DAB1: variants seen among roughly 807,000 people sequenced by gnomAD.
The protein encoded by DAB1 is DAB adaptor protein 1.
Under a neutral mutation model 64.6 loss-of-function variants are expected in DAB1, and 15 were observed. That is an observed-to-expected ratio of 0.23 (90% confidence interval 0.16 to 0.36). The LOEUF is 0.36. DAB1 is among the 10% of genes least tolerant of loss of function. DAB1 has a pLI of 1.00. For missense variants in DAB1, 596 were observed against 706.7 expected, an observed-to-expected ratio of 0.84 and a Z score of 1.78; for synonymous variants, 235 against 251.9, an observed-to-expected ratio of 0.93 and a Z score of 0.64.
At chr1:57,828,323 A>G (rs1425865260) in intron 1 of DAB1, among the ~76,000 whole-genome samples, 2 of 152,246 alleles carry the variant, frequency 1.3e-5, no homozygotes, top group Non-Finnish European at 2.9e-5. Context: ...CTGCTTATAA[A>G]TGGTAAATCT....
At chr1:57,293,700 CAG>C (rs933002504) in intron 1 of DAB1, among the ~76,000 whole-genome samples, 1 of 152,154 alleles carries the variant, frequency 6.6e-6, no homozygotes, top group African/African-American at 2.4e-5. Context: ...GTCTTGGACA[CAG>C]TAGGTACCTA....
chr1:57,578,130 C>T (rs1363501506), intron 7 of DAB1, among the ~76,000 whole-genome samples: 1 of 152,222 alleles, frequency 6.6e-6, no homozygotes, highest in Non-Finnish European at 1.5e-5. Context: ...TAAATTAGGT[C>T]ATGCCAGGGA....
intron 5 of DAB1, among the ~76,000 whole-genome samples, chr1:57,900,085 T>C (rs934511452): frequency 6.6e-6 from 1 of 152,100 alleles, no homozygotes; most frequent in Non-Finnish European, 1.5e-5. Flanking sequence ...ATTCCAGGTA[T>C]GAGCCAGGGT....
At chr1:57,594,838 G>A (rs1469658724) in intron 7 of DAB1, among the ~76,000 whole-genome samples, 1 of 152,080 alleles carries the variant, frequency 6.6e-6, no homozygotes, top group Admixed American at 6.5e-5. Context: ...AGCCTCCCGA[G>A]TAGCTGGGAC....
chr1:57,092,653 A>C (rs1345580672), intron 4 of DAB1, among the ~76,000 whole-genome samples: 3 of 125,234 alleles, frequency 2.4e-5, no homozygotes, highest in Non-Finnish European at 4.8e-5. Flanking sequence ...GAGAACGAAC[A>C]AACAGTGGTC....
At chr1:58,065,872 C>T (rs1454408684) in intron 5 of DAB1, among the ~76,000 whole-genome samples, 1 of 152,206 alleles carries the variant, frequency 6.6e-6, no homozygotes, top group Non-Finnish European at 1.5e-5. Context: ...ATAACCTCCA[C>T]ATCAACAAGT....
At chr1:57,083,152 C>A (rs986681014) in intron 4 of DAB1, among the ~76,000 whole-genome samples, 4 of 152,180 alleles carry the variant, frequency 2.6e-5, no homozygotes, top group African/African-American at 9.7e-5. Context: ...CACCCATCAA[C>A]CTTGCCTATT....
At chr1:58,426,663 T>C (rs1644824206) in intron 3 of DAB1, among the ~76,000 whole-genome samples, 2 of 152,200 alleles carry the variant, frequency 1.3e-5, no homozygotes, top group Admixed American at 1.3e-4. Context: ...GGAGATTACA[T>C]TCTACCAGAG....
At chr1:57,524,898 A>T (rs893949197) in intron 7 of DAB1, among the ~76,000 whole-genome samples, 2 of 152,216 alleles carry the variant, frequency 1.3e-5, no homozygotes, top group African/African-American at 4.8e-5. Context: ...AAAATGAACC[A>T]ACCAACCAGA....
At chr1:58,197,500 T>C (rs186828966) in intron 4 of DAB1, among the ~76,000 whole-genome samples, 60 of 151,910 alleles carry the variant, frequency 3.9e-4, no homozygotes, top group Non-Finnish European at 7.4e-4. Context: ...CAAGCGGTTC[T>C]CCTGCCTCAG....
intron 7 of DAB1, among the ~76,000 whole-genome samples, chr1:57,468,199 G>T (rs1459278715): frequency 6.6e-6 from 1 of 152,172 alleles, no homozygotes; most frequent in Non-Finnish European, 1.5e-5. Flanking sequence ...GAAGAGCTCA[G>T]TGAGTGAGTC....
At chr1:58,414,381 C>T (rs536759614) in intron 3 of DAB1, among the ~76,000 whole-genome samples, 2 of 152,326 alleles carry the variant, frequency 1.3e-5, no homozygotes, top group African/African-American at 4.8e-5. Flanking sequence ...CTTTCAGCAT[C>T]TTCCAGCATA....
intron 7 of DAB1, among the ~76,000 whole-genome samples, chr1:57,634,364 A>G (rs990271679): frequency 6.6e-6 from 1 of 152,368 alleles, no homozygotes; most frequent in East Asian, 1.9e-4. Flanking sequence ...TGGGCAAGTT[A>G]TTGAACCTTT....
intron 4 of DAB1, among the ~76,000 whole-genome samples, chr1:57,122,185 A>C (rs1271930980): frequency 2.0e-5 from 3 of 152,174 alleles, no homozygotes; most frequent in Non-Finnish European, 4.4e-5. Context: ...GTTGCTTATC[A>C]CACTGTTGTG....
chr1:58,128,976 T>C (rs1653330445), intron 5 of DAB1, among the ~76,000 whole-genome samples: 1 of 139,688 alleles, frequency 7.2e-6, no homozygotes. Context: ...CCTCATAAAA[T>C]GAGTTAGGGA....
In DAB1 at chr1:57,117,463, G is replaced by A. The variant is rs572794889; in HGVS notation, c.306+19080C>T. ...ATTAAGTCCCCAAGATCACAGAACTGGTGAGCTATGGAGCCCTCCTATGAA... is the reference window on the plus strand; with the variant it reads ...ATTAAGTCCCCAAGATCACAGAACTAGTGAGCTATGGAGCCCTCCTATGAA... On this transcript the variant is annotated intron_variant, in intron 4 of 14. Transcript: ENST00000371236. Among the ~76,000 whole-genome samples, 87 of 152,302 alleles carry A rather than the reference G, an allele frequency of 5.7e-4. 1 individual carries two copies. In the South Asian group the frequency reaches 0.017, roughly 30 times the overall value.
chr1:57,865,673 C>T (rs79482908), intron 1 of DAB1, among the ~76,000 whole-genome samples: 58 of 152,264 alleles, frequency 3.8e-4, no homozygotes, highest in Middle Eastern at 6.8e-3. Context: ...CATCTGCTCG[C>T]GGCCGTGCTC....
At chr1:57,955,412 G>A (rs1645368924) in intron 5 of DAB1, among the ~76,000 whole-genome samples, 1 of 152,130 alleles carries the variant, frequency 6.6e-6, no homozygotes, top group South Asian at 2.1e-4. Context: ...CCTTTCTACT[G>A]TCAGTCAAGC....
At chr1:57,743,475 T>A (rs1648100681) in intron 6 of DAB1, among the ~76,000 whole-genome samples, 1 of 152,236 alleles carries the variant, frequency 6.6e-6, no homozygotes, top group African/African-American at 2.4e-5. Flanking sequence ...CTTTTCGGAC[T>A]CAGCTCGCCT....
Sources: allele counts gnomAD v4.1 joint callset (sites outside exome capture counted in the v4.1 genomes callset), GRCh38; gene constraint gnomAD v4.1.1; transcripts MANE v1.5; gene names NCBI Gene and HGNC (gene_info 2026-07-23, HGNC 2026-07-21).